PARM1: variants seen among roughly 807,000 people sequenced by gnomAD.
The protein encoded by PARM1 is prostate androgen-regulated mucin-like protein 1.
Under a neutral mutation model 24.6 loss-of-function variants are expected in PARM1, and 14 were observed. The observed-to-expected ratio is 0.57, with a 90% confidence interval of 0.38 to 0.89. PARM1 has a LOEUF of 0.89. Ranked by LOEUF, PARM1 falls within the 40% of genes least tolerant of loss-of-function variation. The probability of loss-of-function intolerance (pLI) is 0.00; values close to 1 mark genes in which losing one functional copy is unlikely to be tolerated. For synonymous variants in PARM1, 179 were observed against 156.6 expected, an observed-to-expected ratio of 1.14 and a Z score of -1.07; for missense variants, 362 against 380.4, an observed-to-expected ratio of 0.95 and a Z score of 0.40.
At chr4:74,994,438 T>C (rs190468625) in intron 1 of PARM1, among the ~76,000 whole-genome samples, 2 of 152,296 alleles carry the variant, frequency 1.3e-5, no homozygotes, top group Admixed American at 6.5e-5. Context: ...GCTCAGCTCA[T>C]TTACGGCTAC....
chr4:75,024,267 A>AAAAT (rs1420278583), intron 2 of PARM1, among the ~76,000 whole-genome samples: 2 of 151,976 alleles, frequency 1.3e-5, no homozygotes, highest in African/African-American at 4.8e-5. Flanking sequence ...AAAAAAAAAA[A>AAAAT]AAATAGCAAG....
intron 1 of PARM1, among the ~76,000 whole-genome samples, chr4:74,953,384 C>A (rs1192619408): frequency 1.3e-5 from 2 of 152,132 alleles, no homozygotes; most frequent in Non-Finnish European, 2.9e-5. Flanking sequence ...TCTGATGCTG[C>A]AAACAAAGCT....
chr4:74,950,841 G>T (rs1311947842), intron 1 of PARM1, among the ~76,000 whole-genome samples: 12 of 148,668 alleles, frequency 8.1e-5, no homozygotes, highest in African/African-American at 2.7e-4. Context: ...TTTGGAGGGG[G>T]ATTTTTTTTT....
chr4:75,041,032 G>C (rs1723472752), intron 3 of PARM1, among the ~76,000 whole-genome samples: 1 of 152,112 alleles, frequency 6.6e-6, no homozygotes, highest in African/African-American at 2.4e-5. Flanking sequence ...TTTTCTCCAT[G>C]GACTTAGTAA....
At chr4:75,030,237 C>G (rs188620620) in intron 2 of PARM1, among the ~76,000 whole-genome samples, 1 of 152,160 alleles carries the variant, frequency 6.6e-6, no homozygotes, top group East Asian at 1.9e-4. Context: ...AATGCAAAAC[C>G]AGGACTAAAT....
At chr4:75,033,786 A>G (rs1723316064) in intron 2 of PARM1, 97 bp from the exon 3 acceptor site, 1 of 830,964 alleles carries the variant, frequency 1.2e-6, no homozygotes, top group East Asian at 3.0e-5. Context: ...CAGAGAAAAG[A>G]TGGGATCAGG....
rs146471562 is a variant in PARM1 at position 75,045,424 on chromosome 4, T to C, written c.849-739T>C. 2.5e-4 allele frequency among the ~76,000 whole-genome samples: 38 copies of C among 152,352 alleles called. No homozygotes were observed. The East Asian group carries it at 6.6e-3, about 26-fold the overall frequency. ...AATCTGATTTCATTTCTTATAGATATATTATTAATTATGCAAGAGGGTCTC... is the reference window on the plus strand; with the variant it reads ...AATCTGATTTCATTTCTTATAGATACATTATTAATTATGCAAGAGGGTCTC... On this transcript the variant is annotated intron_variant, in intron 3 of 3. Transcript: ENST00000307428.
At chr4:75,042,489 A>G (rs958207173) in intron 3 of PARM1, among the ~76,000 whole-genome samples, 2 of 152,212 alleles carry the variant, frequency 1.3e-5, no homozygotes, top group Non-Finnish European at 2.9e-5. Flanking sequence ...CAGCACTACC[A>G]TTAAATAACA....
At chr4:75,003,606 T>C (rs1722721801) in intron 1 of PARM1, among the ~76,000 whole-genome samples, 1 of 152,232 alleles carries the variant, frequency 6.6e-6, no homozygotes, top group African/African-American at 2.4e-5. Flanking sequence ...AGTATCTTCT[T>C]AGACACAGTT....
At chr4:74,989,817 G>A (rs1722429619) in intron 1 of PARM1, among the ~76,000 whole-genome samples, 1 of 152,116 alleles carries the variant, frequency 6.6e-6, no homozygotes, top group South Asian at 2.1e-4. Context: ...TCACTCTAGA[G>A]ATTCAAAGTG....
At chr4:75,022,870 G>A (rs958483501) in intron 2 of PARM1, among the ~76,000 whole-genome samples, 1 of 152,204 alleles carries the variant, frequency 6.6e-6, no homozygotes, top group African/African-American at 2.4e-5. Flanking sequence ...ATTTCAGAGA[G>A]TCAAGTCAGG....
At chr4:74,935,289 G>T (rs1162226107) in intron 1 of PARM1, among the ~76,000 whole-genome samples, 1 of 152,158 alleles carries the variant, frequency 6.6e-6, no homozygotes, top group Admixed American at 6.5e-5. Flanking sequence ...CATTCCCCCT[G>T]AAGTTTGTGC....
intron 2 of PARM1, among the ~76,000 whole-genome samples, chr4:75,025,520 A>G (rs1723166363): frequency 6.6e-6 from 1 of 152,230 alleles, no homozygotes. Context: ...TTCGTGTGGG[A>G]AAAGATTGTA....
intron 1 of PARM1, among the ~76,000 whole-genome samples, chr4:74,948,447 C>T (rs1050916835): frequency 1.3e-5 from 2 of 152,218 alleles, no homozygotes; most frequent in Non-Finnish European, 2.9e-5. Context: ...AGAAGTAACA[C>T]ATTAACTTAG....
At chr4:75,002,039 G>C (rs1722690124) in intron 1 of PARM1, among the ~76,000 whole-genome samples, 1 of 152,248 alleles carries the variant, frequency 6.6e-6, no homozygotes, top group Non-Finnish European at 1.5e-5. Context: ...ATGCCACTGA[G>C]AACTGTCCTT....
intron 1 of PARM1, among the ~76,000 whole-genome samples, chr4:74,951,236 G>A (rs905171970): frequency 3.3e-5 from 5 of 152,254 alleles, no homozygotes; most frequent in Admixed American, 6.5e-5. Context: ...CTTCTCCTCT[G>A]CCAGGTTCAA....
At chr4:75,034,164 A>C (rs1285320810) in intron 3 of PARM1, among the ~76,000 whole-genome samples, 2 of 152,286 alleles carry the variant, frequency 1.3e-5, no homozygotes, top group Non-Finnish European at 1.5e-5. Flanking sequence ...AAAGTAGAAG[A>C]AGCAAGCTGA....
At chr4:75,041,969 G>T (rs1322333240) in intron 3 of PARM1, among the ~76,000 whole-genome samples, 1 of 152,164 alleles carries the variant, frequency 6.6e-6, no homozygotes, top group Non-Finnish European at 1.5e-5. Flanking sequence ...CCACATCATT[G>T]CATGCTAGTC....
chr4:74,987,280 T>C (rs900067790), intron 1 of PARM1, among the ~76,000 whole-genome samples: 4 of 152,058 alleles, frequency 2.6e-5, no homozygotes, highest in Non-Finnish European at 5.9e-5. Flanking sequence ...TCAGCTGTGG[T>C]TGGAGGACAG....
Sources: allele counts gnomAD v4.1 joint callset (sites outside exome capture counted in the v4.1 genomes callset), GRCh38; gene constraint gnomAD v4.1.1; transcripts MANE v1.5; gene names NCBI Gene and HGNC (gene_info 2026-07-23, HGNC 2026-07-21).